The following VPS37A variants were observed in gnomAD, a reference collection of about 807,000 sequenced individuals.
VPS37A encodes VPS37A subunit of ESCRT-I.
In VPS37A, 30 loss-of-function variants were observed where a neutral mutation model predicts 49.8. The ratio of observed to expected loss-of-function variants is 0.60; its 90% CI spans 0.45 to 0.82. VPS37A has a LOEUF of 0.82. VPS37A is among the 40% of genes least tolerant of loss of function. The pLI is 0.00. For synonymous variants in VPS37A, 195 were observed against 160.6 expected, an observed-to-expected ratio of 1.21 and a Z score of -1.62; for missense variants, 593 against 464.4, an observed-to-expected ratio of 1.28 and a Z score of -2.55.
At chr8:17,314,706 C>G in the VPS37A span, among the ~76,000 whole-genome samples, 17,492 of 152,140 alleles carry the variant, frequency 0.11, 1,368 homozygotes, top group Non-Finnish European at 0.17. Context: ...AAACACCCAA[C>G]CTAAGAAAAA....
intron 6 of VPS37A, among the ~76,000 whole-genome samples, chr8:17,278,208 G>A (rs923248589): frequency 2.6e-5 from 4 of 151,984 alleles, no homozygotes; most frequent in African/African-American, 4.8e-5. Flanking sequence ...ATCCTATGAG[G>A]CAGCAGTGAG....
downstream of VPS37A, among the ~76,000 whole-genome samples, chr8:17,307,122 A>C (rs985909550): frequency 1.2e-4 from 19 of 152,116 alleles, no homozygotes; most frequent in African/African-American, 4.6e-4. Context: ...ATGGGAGAAA[A>C]TTTTTGCAAC....
intron 1 of VPS37A, among the ~76,000 whole-genome samples, chr8:17,253,642 T>A (rs899341288): frequency 6.6e-6 from 1 of 152,236 alleles, no homozygotes; most frequent in Non-Finnish European, 1.5e-5. Context: ...GAGTATTAAC[T>A]CTTTTAAATG....
chr8:17,272,210 T>A (rs1051035742), intron 4 of VPS37A: 1 of 383,446 alleles, frequency 2.6e-6, no homozygotes, highest in South Asian at 2.0e-5. Flanking sequence ...ACCTTCATAA[T>A]CTTCTGAGGG....
intron 1 of VPS37A, among the ~76,000 whole-genome samples, chr8:17,258,068 C>G (rs1198245150): frequency 1.3e-5 from 2 of 151,990 alleles, no homozygotes; most frequent in East Asian, 3.9e-4. Flanking sequence ...TTAGGTTTTT[C>G]CAGTCGTAAC....
chr8:17,247,406 AGGGT>A, intron 1 of VPS37A, 37 bp downstream of exon 1: 4 of 58,956 alleles, frequency 6.8e-5, no homozygotes, highest in Non-Finnish European at 1.4e-4. Context: ...AGGAAAAAGT[AGGGT>A]GGGAGGGCGG....
intron 1 of VPS37A, chr8:17,247,767 G>A (rs929034494): frequency 2.8e-6 from 2 of 702,578 alleles, no homozygotes; most frequent in African/African-American, 1.7e-5. Context: ...GTAATCTCCA[G>A]GTTTCACAAA....
At chr8:17,299,156 T>C (rs1586119080), downstream of VPS37A, 1 of 152,344 alleles carries the variant, frequency 6.6e-6, no homozygotes, top group South Asian at 2.1e-4. Context: ...ATGTTGCTTC[T>C]ACCTCGTTAG....
At chr8:17,330,144 C>G in the VPS37A span, among the ~76,000 whole-genome samples, 2 of 152,242 alleles carry the variant, frequency 1.3e-5, no homozygotes, top group African/African-American at 4.8e-5. Flanking sequence ...GTTTGTGACA[C>G]TCAGATTTCT....
downstream of VPS37A, among the ~76,000 whole-genome samples, chr8:17,301,310 A>G (rs1817094445): frequency 6.6e-6 from 1 of 152,222 alleles, no homozygotes. Flanking sequence ...GGTTAGAAGG[A>G]AAAGAACAGA....
At chr8:17,266,038 GTT>G in intron 2 of VPS37A, 57 bp downstream of exon 2, 1 of 1,449,224 alleles carries the variant, frequency 6.9e-7, no homozygotes, top group Non-Finnish European at 9.5e-7. Flanking sequence ...TTTTTTTATT[GTT>G]TCTTAGTTAT....
downstream of VPS37A, among the ~76,000 whole-genome samples, chr8:17,306,265 T>A (rs1817450223): frequency 6.6e-6 from 1 of 152,138 alleles, no homozygotes; most frequent in African/African-American, 2.4e-5. Context: ...TCCTTAAAAG[T>A]ACATTAGAAC....
At chr8:17,285,730 C>T (rs1196066742) in intron 10 of VPS37A, among the ~76,000 whole-genome samples, 2 of 152,140 alleles carry the variant, frequency 1.3e-5, no homozygotes, top group Admixed American at 6.5e-5. Context: ...CATTATTCTT[C>T]AATGCTGTGT....
At chr8:17,278,335 C>T (rs141374796) in intron 6 of VPS37A, among the ~76,000 whole-genome samples, 4 of 151,948 alleles carry the variant, frequency 2.6e-5, no homozygotes, top group Non-Finnish European at 5.9e-5. Flanking sequence ...TTTATCATTA[C>T]CACCAGAATT....
rs1170895225 is a variant in VPS37A at position 17,268,239 on chromosome 8, T to C, written c.201-19T>C. ...TTGTTATCTTTGTTTTTGTTTTTCA[T>C]CTGTTCTACCTCTACCAGATTGCTT... On this transcript the variant is annotated intron_variant, in intron 2 of 11. Coordinates refer to ENST00000324849, the MANE Select transcript of VPS37A (RefSeq NM_152415.3). 1.3e-6 allele frequency: 2 copies of C among 1,550,640 alleles called. No homozygotes were observed. The highest frequency in any genetic ancestry group is 2.7e-5 in the African/African-American group (2 of 73,058).
chr8:17,288,387 A>G (rs185097384), intron 11 of VPS37A, among the ~76,000 whole-genome samples: 122 of 152,062 alleles, frequency 8.0e-4, no homozygotes, highest in Admixed American at 1.4e-3. Context: ...CAACTCCCCA[A>G]CAGGCTCCAG....
chr8:17,318,271 A>G, the VPS37A span, among the ~76,000 whole-genome samples: 2 of 152,130 alleles, frequency 1.3e-5, no homozygotes, highest in African/African-American at 4.8e-5. Flanking sequence ...TCTCACAGAC[A>G]CCCAGCAGAC....
rs1361895705 is a variant in VPS37A at position 17,248,541 on chromosome 8, G to C, written c.125+1172G>C. ...TCCACCCGCTTCGGCCTCCCAAAGT[G>C]CTGGGATTACAGGAATAAGCCACCT... On this transcript the variant is annotated intron_variant, in intron 1 of 11. Transcript: ENST00000324849. 5.9e-5 allele frequency: 20 copies of C among 338,462 alleles called. No homozygotes were observed. The Admixed American group carries it at 6.6e-4, about 11-fold the overall frequency. The allele number at this position is 338,462 out of a possible 1,614,324, so 21.0% of individuals were successfully genotyped here.
chr8:17,292,675 C>T (rs1291257511), intron 11 of VPS37A, among the ~76,000 whole-genome samples: 2 of 152,144 alleles, frequency 1.3e-5, no homozygotes, highest in African/African-American at 4.8e-5. Context: ...AATCCCTCAG[C>T]ATTTGCTTGT....
Sources: gnomAD v4.1 joint callset for allele counts (sites outside exome capture counted in the v4.1 genomes callset) on GRCh38, gnomAD v4.1.1 for gene constraint, MANE v1.5 for transcripts, NCBI Gene and HGNC (gene_info 2026-07-23, HGNC 2026-07-21) for gene names.